The following RASAL2 variants were observed in gnomAD, a reference collection of about 807,000 sequenced individuals.
The protein encoded by RASAL2 is RAS protein activator like 2.
Under a neutral mutation model 128.9 loss-of-function variants are expected in RASAL2, and 58 were observed. That is an observed-to-expected ratio of 0.45 (90% confidence interval 0.36 to 0.56). RASAL2 has a LOEUF of 0.56. Among genes scored for constraint, RASAL2 ranks in the 20% least tolerant of loss-of-function variants. RASAL2 has a pLI of 0.00. For missense variants in RASAL2, 1,360 were observed against 1,601.6 expected (o/e 0.85, Z 2.57); for synonymous variants, 561 against 580.8 (o/e 0.97, Z 0.49).
chr1:178,234,838 T>G (rs1664162771), intron 1 of RASAL2, among the ~76,000 whole-genome samples: 1 of 152,166 alleles, frequency 6.6e-6, no homozygotes, highest in South Asian at 2.1e-4. Flanking sequence ...ATTTTGTTAT[T>G]GAAATATAAT....
intron 3 of RASAL2, among the ~76,000 whole-genome samples, chr1:178,351,887 C>T (rs564057680): frequency 6.3e-4 from 96 of 152,292 alleles, no homozygotes; most frequent in African/African-American, 2.2e-3. Flanking sequence ...AAAAGTGCAG[C>T]TCGCTGCCAG....
At chr1:178,254,408 A>G (rs908019509) in intron 1 of RASAL2, among the ~76,000 whole-genome samples, 2 of 152,226 alleles carry the variant, frequency 1.3e-5, no homozygotes, top group African/African-American at 2.4e-5. Flanking sequence ...AACTTTTGGC[A>G]TTGCAGTCTA....
intron 1 of RASAL2, among the ~76,000 whole-genome samples, chr1:178,158,421 T>C (rs1042335824): frequency 1.3e-5 from 2 of 152,088 alleles, no homozygotes; most frequent in Admixed American, 1.3e-4. Flanking sequence ...ACCTAGCACA[T>C]AGCAAGTACT....
At chr1:178,372,183 T>C in intron 3 of RASAL2, 1 of 985,402 alleles carries the variant, frequency 1.0e-6, no homozygotes. Flanking sequence ...GTATCCTTTT[T>C]TTCTCACTTC....
chr1:178,104,111 G>A (rs1659005334), intron 1 of RASAL2, among the ~76,000 whole-genome samples: 1 of 151,698 alleles, frequency 6.6e-6, no homozygotes, highest in South Asian at 2.1e-4. Context: ...GTACTTCGTT[G>A]GTTTTATTTT....
chr1:178,209,930 A>G (rs748579411), intron 1 of RASAL2, among the ~76,000 whole-genome samples: 2 of 151,982 alleles, frequency 1.3e-5, no homozygotes, highest in East Asian at 1.9e-4. Context: ...TCTTGAAACT[A>G]TGGATTGATA....
At chr1:178,261,051 T>A (rs1051101418) in intron 1 of RASAL2, among the ~76,000 whole-genome samples, 3 of 152,224 alleles carry the variant, frequency 2.0e-5, no homozygotes, top group Admixed American at 1.3e-4. Flanking sequence ...GAGGTCATTC[T>A]ATTCATACAG....
At chr1:178,460,082 G>C (rs1050829482) in intron 14 of RASAL2, among the ~76,000 whole-genome samples, 1 of 152,136 alleles carries the variant, frequency 6.6e-6, no homozygotes, top group Non-Finnish European at 1.5e-5. Flanking sequence ...TGTTTATTGG[G>C]AGGAGAAAGG....
intron 3 of RASAL2, among the ~76,000 whole-genome samples, chr1:178,355,541 ATATAT>A (rs746032358): frequency 1.7e-4 from 26 of 152,346 alleles, no homozygotes; most frequent in Non-Finnish European, 3.4e-4. Context: ...CACTTTTAGA[ATATAT>A]TATAGCATCT....
At chr1:178,203,439 A>C (rs1660633073) in intron 1 of RASAL2, among the ~76,000 whole-genome samples, 1 of 152,170 alleles carries the variant, frequency 6.6e-6, no homozygotes, top group Non-Finnish European at 1.5e-5. Flanking sequence ...GCATGCTCTG[A>C]ATCGGCATCT....
At chr1:178,390,245 C>A (rs374544024) in intron 4 of RASAL2, 39 bp downstream of exon 4, 23 of 1,458,122 alleles carry the variant, frequency 1.6e-5, no homozygotes, top group East Asian at 1.4e-4. Context: ...TTTTACTTTT[C>A]CTTTTCTCCT....
At chr1:178,361,510 C>T (rs540073279) in intron 3 of RASAL2, among the ~76,000 whole-genome samples, 1 of 151,684 alleles carries the variant, frequency 6.6e-6, no homozygotes. Flanking sequence ...ACAGTTGGCC[C>T]TTCATATCTC....
intron 2 of RASAL2, among the ~76,000 whole-genome samples, chr1:178,299,369 A>G (rs1378695118): frequency 2.0e-5 from 3 of 152,212 alleles, no homozygotes; most frequent in East Asian, 3.8e-4. Flanking sequence ...AGTTTCTGAT[A>G]TAGAAAAACA....
chr1:178,171,914 T>G (rs144199018), intron 1 of RASAL2, among the ~76,000 whole-genome samples: 17 of 152,158 alleles, frequency 1.1e-4, no homozygotes, highest in Non-Finnish European at 2.4e-4. Flanking sequence ...TTTATGGGTA[T>G]ATAAACTTGA....
At chr1:178,189,718 G>T (rs1662424711) in intron 1 of RASAL2, among the ~76,000 whole-genome samples, 1 of 152,110 alleles carries the variant, frequency 6.6e-6, no homozygotes, top group South Asian at 2.1e-4. Context: ...ATCCCTGGGA[G>T]TACAAAGATA....
chr1:178,370,485 A>G (rs1359187813), intron 3 of RASAL2, among the ~76,000 whole-genome samples: 1 of 152,208 alleles, frequency 6.6e-6, no homozygotes, highest in Non-Finnish European at 1.5e-5. Flanking sequence ...AATTTTTTGT[A>G]GTTATTTTGA....
chr1:178,395,789 ATATTTATT>A (rs925990263), intron 4 of RASAL2, among the ~76,000 whole-genome samples: 4 of 144,320 alleles, frequency 2.8e-5, no homozygotes, highest in African/African-American at 1.1e-4. Context: ...ATATATATAT[ATATTTATT>A]TATTCATATG....
chr1:178,291,977 A>T (rs1667299346), intron 2 of RASAL2, among the ~76,000 whole-genome samples: 2 of 148,372 alleles, frequency 1.3e-5, no homozygotes, highest in Admixed American at 1.4e-4. Flanking sequence ...TGGAGGTTGC[A>T]GTAAGTTGAG....
At position 178,131,448 on chromosome 1, in the gene RASAL2, T is replaced by C. The variant is rs191912610; in HGVS notation, c.202+36754T>C. Among the ~76,000 whole-genome samples the C allele has an allele frequency of 6.3e-4, 89 of 140,476 alleles. No individual in the cohort carries two copies. The East Asian group carries it at 0.017, about 27-fold the overall frequency. The allele number at this position is 140,476 out of a possible 152,430, so 92.2% of individuals were successfully genotyped here. On this transcript the variant is annotated intron_variant, in intron 1 of 17. Transcript: ENST00000367649. ...GTTGCCGAGGCTGGTCTCAAACTCC[T>C]GGTCTCAAGCAGACCTCCTGCCTTG...
Sources: gnomAD v4.1 joint callset for allele counts (sites outside exome capture counted in the v4.1 genomes callset) on GRCh38, gnomAD v4.1.1 for gene constraint, MANE v1.5 for transcripts, NCBI Gene and HGNC (gene_info 2026-07-23, HGNC 2026-07-21) for gene names.